The following RPS6KC1 variants were observed in gnomAD, a reference collection of about 807,000 sequenced individuals.
RPS6KC1 encodes the protein inactive ribosomal protein S6 kinase delta-1.
In RPS6KC1, 54 loss-of-function variants were observed where a neutral mutation model predicts 103.8. That is an observed-to-expected ratio of 0.52 (90% CI 0.42 to 0.65). The LOEUF (loss-of-function observed/expected upper bound fraction) is 0.65, where lower values mean the gene tolerates loss of function less well. Ranked by LOEUF, RPS6KC1 falls within the 30% of genes least tolerant of loss-of-function variation. The pLI is 0.00. For missense variants in RPS6KC1, 1,151 were observed against 1,253.8 expected (o/e 0.92, Z 1.24); for synonymous variants, 439 against 438.7 (o/e 1.00, Z -0.01).
intron 1 of RPS6KC1, among the ~76,000 whole-genome samples, chr1:213,053,373 A>T (rs542734669): frequency 5.1e-4 from 77 of 152,384 alleles, no homozygotes; most frequent in African/African-American, 1.8e-3. Flanking sequence ...ATAAAAGAAC[A>T]TGCATGTGCA....
the RPS6KC1 span, among the ~76,000 whole-genome samples, chr1:213,693,114 C>T: frequency 6.6e-6 from 1 of 152,222 alleles, no homozygotes; most frequent in Non-Finnish European, 1.5e-5. Context: ...TGCTTTCTCT[C>T]TCTGGTCTCT....
At chr1:213,249,135 T>C (rs1416096089) in intron 12 of RPS6KC1, among the ~76,000 whole-genome samples, 1 of 152,222 alleles carries the variant, frequency 6.6e-6, no homozygotes, top group Non-Finnish European at 1.5e-5. Context: ...ATGCTTTTTA[T>C]TTTTCGTATC....
chr1:213,700,767 T>C, the RPS6KC1 span, among the ~76,000 whole-genome samples: 1 of 152,084 alleles, frequency 6.6e-6, no homozygotes, highest in East Asian at 1.9e-4. Context: ...CAGAGATCTT[T>C]CACTTATCTG....
the RPS6KC1 span, among the ~76,000 whole-genome samples, chr1:213,367,307 T>C: frequency 6.6e-6 from 1 of 152,234 alleles, no homozygotes; most frequent in East Asian, 1.9e-4. Context: ...TTAAGTCCTT[T>C]TCTTGCATAC....
chr1:213,216,459 C>A (rs1170235189), intron 8 of RPS6KC1, among the ~76,000 whole-genome samples: 1 of 152,164 alleles, frequency 6.6e-6, no homozygotes, highest in African/African-American at 2.4e-5. Context: ...TTAGACAGAT[C>A]AACAAGACAG....
At chr1:213,290,256 G>A in the RPS6KC1 span, among the ~76,000 whole-genome samples, 3 of 151,828 alleles carry the variant, frequency 2.0e-5, no homozygotes, top group Non-Finnish European at 2.9e-5. Context: ...CGTGAGCCAC[G>A]TTAGGCAGTA....
the RPS6KC1 span, among the ~76,000 whole-genome samples, chr1:213,565,959 C>CAAA: frequency 6.2e-5 from 4 of 64,388 alleles, no homozygotes; most frequent in African/African-American, 2.2e-4. Flanking sequence ...AACTCCATCT[C>CAAA]AAAAAAAAAA....
chr1:213,799,778 G>A, the RPS6KC1 span, among the ~76,000 whole-genome samples: 3 of 152,180 alleles, frequency 2.0e-5, no homozygotes, highest in African/African-American at 7.2e-5. Flanking sequence ...GACACAGTGA[G>A]AGGAGCTTCA....
chr1:213,164,756 A>T (rs1480940844), intron 6 of RPS6KC1, among the ~76,000 whole-genome samples: 1 of 152,092 alleles, frequency 6.6e-6, no homozygotes, highest in African/African-American at 2.4e-5. Context: ...AGAGACAGAC[A>T]TGGGATCTTG....
chr1:213,775,172 AT>A, the RPS6KC1 span, among the ~76,000 whole-genome samples: 5 of 152,216 alleles, frequency 3.3e-5, no homozygotes, highest in African/African-American at 1.2e-4. Context: ...TATAATCCCC[AT>A]TAAATAAAAA....
the RPS6KC1 span, among the ~76,000 whole-genome samples, chr1:213,610,047 C>T: frequency 3.3e-5 from 5 of 152,062 alleles, no homozygotes; most frequent in African/African-American, 1.2e-4. Flanking sequence ...TCTTCGAGTA[C>T]GGTTTTACAT....
the RPS6KC1 span, among the ~76,000 whole-genome samples, chr1:213,611,745 C>G: frequency 6.6e-6 from 1 of 152,168 alleles, no homozygotes; most frequent in Non-Finnish European, 1.5e-5. Context: ...TTTCTGTCCT[C>G]AAGTCTTGGA....
chr1:213,716,480 G>T, the RPS6KC1 span, among the ~76,000 whole-genome samples: 1 of 152,164 alleles, frequency 6.6e-6, no homozygotes, highest in Admixed American at 6.5e-5. Flanking sequence ...ACAATCTCAG[G>T]CCTCCTGTGA....
At chr1:213,417,989 G>A in the RPS6KC1 span, among the ~76,000 whole-genome samples, 21 of 152,200 alleles carry the variant, frequency 1.4e-4, no homozygotes, top group East Asian at 1.9e-4. Flanking sequence ...CAGGGGTCCC[G>A]GCCACATGCT....
At chr1:213,182,947 A>G (rs1455566175) in intron 8 of RPS6KC1, among the ~76,000 whole-genome samples, 2 of 150,254 alleles carry the variant, frequency 1.3e-5, no homozygotes, top group Non-Finnish European at 3.0e-5. Flanking sequence ...TTTCTTATAT[A>G]TCATGATATA....
rs200093696 is a variant in RPS6KC1 at position 213,157,580 on chromosome 1, A to T, written c.836-10278A>T. ...GCATGATTTAAATTATTTTACATTT[A>T]TTGAGACTTGTTTTGTGGCCAAGTA... On this transcript the variant is annotated intron_variant, in intron 6 of 14. Coordinates refer to ENST00000366960, the MANE Select transcript of RPS6KC1 (RefSeq NM_012424.6). Among the ~76,000 whole-genome samples the T allele has an allele frequency of 4.8e-4, 73 of 152,296 alleles. 2 individuals are homozygous for T. In the East Asian group the frequency reaches 0.013, roughly 26 times the overall value.
chr1:213,718,253 C>T, the RPS6KC1 span, among the ~76,000 whole-genome samples: 1 of 152,226 alleles, frequency 6.6e-6, no homozygotes, highest in African/African-American at 2.4e-5. Context: ...GGTAGAACTG[C>T]TTTAGCCCCA....
chr1:213,207,441 A>G (rs2093381153), intron 8 of RPS6KC1, among the ~76,000 whole-genome samples: 1 of 152,154 alleles, frequency 6.6e-6, no homozygotes, highest in African/African-American at 2.4e-5. Flanking sequence ...GAGGGCTGCT[A>G]CCTGAGAGAT....
chr1:213,305,877 T>TA, the RPS6KC1 span, among the ~76,000 whole-genome samples: 1 of 152,328 alleles, frequency 6.6e-6, no homozygotes, highest in African/African-American at 2.4e-5. Flanking sequence ...CTTGACCCTG[T>TA]AACTTCTGAG....
Sources: allele counts gnomAD v4.1 joint callset (sites outside exome capture counted in the v4.1 genomes callset), GRCh38; gene constraint gnomAD v4.1.1; transcripts MANE v1.5; gene names NCBI Gene and HGNC (gene_info 2026-07-23, HGNC 2026-07-21).